SNX29: variants seen among roughly 807,000 people sequenced by gnomAD.
SNX29 encodes sorting nexin-29.
A neutral mutation model predicts 102.1 loss-of-function variants in SNX29; 78 were observed. That is an observed-to-expected ratio of 0.76 (90% CI 0.64 to 0.92). SNX29 has a LOEUF of 0.92. SNX29 is among the 40% of genes least tolerant of loss of function. The pLI, the probability that SNX29 is intolerant of heterozygous loss-of-function variation, is 0.00. For missense variants in SNX29, 1,280 were observed against 1,061.7 expected (o/e 1.21, Z -2.86); for synonymous variants, 580 against 414.5 (o/e 1.40, Z -4.85).
intron 11 of SNX29, among the ~76,000 whole-genome samples, chr16:12,079,315 T>G (rs976764851): frequency 1.3e-5 from 2 of 152,234 alleles, no homozygotes; most frequent in Non-Finnish European, 2.9e-5. Flanking sequence ...TGATCAGGCT[T>G]CAACTGTTTC....
intron 20 of SNX29, among the ~76,000 whole-genome samples, chr16:12,533,840 C>T (rs1008562537): frequency 6.6e-6 from 1 of 152,178 alleles, no homozygotes; most frequent in Non-Finnish European, 1.5e-5. Context: ...AGGCTGATTC[C>T]TGTTATATAG....
chr16:12,289,160 G>T (rs1418557039), intron 15 of SNX29, among the ~76,000 whole-genome samples: 1 of 152,216 alleles, frequency 6.6e-6, no homozygotes, highest in South Asian at 2.1e-4. Flanking sequence ...ACAGCCGTGT[G>T]TGCTGCCTTG....
intron 16 of SNX29, among the ~76,000 whole-genome samples, chr16:12,371,308 T>C (rs2082674328): frequency 6.6e-6 from 1 of 151,884 alleles, no homozygotes; most frequent in East Asian, 1.9e-4. Context: ...CTTTCCTCTT[T>C]CCTAAATAGA....
intron 18 of SNX29, among the ~76,000 whole-genome samples, chr16:12,430,154 C>T (rs936646635): frequency 1.3e-5 from 2 of 152,184 alleles, no homozygotes; most frequent in Admixed American, 6.5e-5. Context: ...ATCTAATGCC[C>T]AAAGATCTGA....
At chr16:12,360,800 G>A (rs1289061715) in intron 16 of SNX29, among the ~76,000 whole-genome samples, 4 of 152,174 alleles carry the variant, frequency 2.6e-5, no homozygotes, top group Admixed American at 1.3e-4. Flanking sequence ...TATTTAGGAA[G>A]GACCTGTTGT....
At chr16:12,538,258 G>C (rs949511811) in intron 20 of SNX29, among the ~76,000 whole-genome samples, 3 of 152,068 alleles carry the variant, frequency 2.0e-5, no homozygotes, top group Non-Finnish European at 4.4e-5. Flanking sequence ...TGGGATTACA[G>C]GGATCTGCCA....
intron 16 of SNX29, among the ~76,000 whole-genome samples, chr16:12,388,506 T>C (rs186573374): frequency 7.9e-5 from 12 of 152,350 alleles, no homozygotes; most frequent in Non-Finnish European, 1.5e-4. Flanking sequence ...AAATGATTTT[T>C]CTGCATCTTT....
intron 15 of SNX29, among the ~76,000 whole-genome samples, chr16:12,283,487 T>A (rs941133226): frequency 6.6e-6 from 1 of 152,094 alleles, no homozygotes; most frequent in Non-Finnish European, 1.5e-5. Context: ...GCCCAGCTAA[T>A]TTTTGTATTT....
chr16:12,552,338 T>C (rs1467974281), intron 20 of SNX29, among the ~76,000 whole-genome samples: 2 of 152,124 alleles, frequency 1.3e-5, no homozygotes, highest in African/African-American at 4.8e-5. Context: ...TCTCCTGGCT[T>C]CTGTGAGGGT....
chr16:12,278,644 C>G (rs961221827), intron 15 of SNX29, among the ~76,000 whole-genome samples: 2 of 145,200 alleles, frequency 1.4e-5, no homozygotes, highest in Non-Finnish European at 3.1e-5. Context: ...TTTTATACGT[C>G]TCTATCTTGG....
chr16:12,151,830 G>T (rs2055315345), intron 13 of SNX29, among the ~76,000 whole-genome samples: 1 of 152,132 alleles, frequency 6.6e-6, no homozygotes, highest in South Asian at 2.1e-4. Context: ...CTGCCTCCCG[G>T]GTTCAAGTGA....
chr16:11,988,197 G>T (rs1490365354), intron 1 of SNX29, among the ~76,000 whole-genome samples: 4 of 151,770 alleles, frequency 2.6e-5, no homozygotes, highest in Non-Finnish European at 4.4e-5. Context: ...AGGAGGCTGA[G>T]GCAGGAGAAT....
At chr16:12,538,977 G>A (rs915792500) in intron 20 of SNX29, among the ~76,000 whole-genome samples, 5 of 152,186 alleles carry the variant, frequency 3.3e-5, no homozygotes, top group Non-Finnish European at 5.9e-5. Context: ...GATATAAATA[G>A]GGAGAAGATA....
At chr16:12,318,164 G>T (rs911633185) in intron 15 of SNX29, among the ~76,000 whole-genome samples, 1 of 152,218 alleles carries the variant, frequency 6.6e-6, no homozygotes, top group Non-Finnish European at 1.5e-5. Context: ...CAGAGAGGGC[G>T]GCAGAGCCAG....
chr16:12,537,443 G>C (rs2077126119), intron 20 of SNX29, among the ~76,000 whole-genome samples: 1 of 152,174 alleles, frequency 6.6e-6, no homozygotes, highest in Admixed American at 6.5e-5. Context: ...GCAGCCTTGT[G>C]AACTTCACCT....
intron 1 of SNX29, among the ~76,000 whole-genome samples, chr16:11,978,738 A>C (rs1415220559): frequency 6.6e-6 from 1 of 152,194 alleles, no homozygotes; most frequent in South Asian, 2.1e-4. Context: ...TTGATAAGCC[A>C]ATAGAAATTG....
At chr16:12,231,505 A>C (rs1423562927) in intron 14 of SNX29, among the ~76,000 whole-genome samples, 1 of 152,008 alleles carries the variant, frequency 6.6e-6, no homozygotes, top group East Asian at 1.9e-4. Context: ...CCAGAGTTTT[A>C]GTCAATTTCC....
intron 19 of SNX29, among the ~76,000 whole-genome samples, chr16:12,488,242 A>G (rs2088350576): frequency 6.6e-6 from 1 of 152,090 alleles, no homozygotes; most frequent in Admixed American, 6.5e-5. Flanking sequence ...GGTATAGCAC[A>G]CAGAGAAGCT....
At chr16:12,485,959 G>T (rs547124316) in intron 19 of SNX29, among the ~76,000 whole-genome samples, 1 of 152,190 alleles carries the variant, frequency 6.6e-6, no homozygotes, top group South Asian at 2.1e-4. Context: ...TGTACATCCC[G>T]GATCAGTTTC....
Sources: allele counts gnomAD v4.1 joint callset (sites outside exome capture counted in the v4.1 genomes callset), GRCh38; gene constraint gnomAD v4.1.1; transcripts MANE v1.5; gene names NCBI Gene and HGNC (gene_info 2026-07-23, HGNC 2026-07-21).